SEC24B: variants seen among roughly 807,000 people sequenced by gnomAD.
SEC24B encodes the protein SEC24 homolog B, COPII component, also known as protein transport protein Sec24B.
SEC24B carries 45 observed loss-of-function variants against 142.8 expected under a neutral mutation model. The ratio of observed to expected loss-of-function variants is 0.32; its 90% CI spans 0.25 to 0.40. SEC24B has a LOEUF of 0.40. Among genes scored for constraint, SEC24B ranks in the 10% least tolerant of loss-of-function variants. The probability of loss-of-function intolerance (pLI) is 1.00; values close to 1 mark genes in which losing one functional copy is unlikely to be tolerated. For synonymous variants in SEC24B, 574 were observed against 568.2 expected (o/e 1.01, Z -0.15); for missense variants, 1,409 against 1,526.8 (o/e 0.92, Z 1.29).
At chr4:109,529,275 C>G (rs900005697) in intron 18 of SEC24B, among the ~76,000 whole-genome samples, 1 of 152,076 alleles carries the variant, frequency 6.6e-6, no homozygotes, top group South Asian at 2.1e-4. Flanking sequence ...GTTTTTGATT[C>G]AGGGAGTACA....
intron 6 of SEC24B, among the ~76,000 whole-genome samples, chr4:109,503,921 C>G (rs1736429668): frequency 6.6e-6 from 1 of 152,056 alleles, no homozygotes; most frequent in Admixed American, 6.6e-5. Context: ...GATTAAATAT[C>G]CTACCTTTAT....
chr4:109,454,823 A>G (rs2125916583), intron 1 of SEC24B, among the ~76,000 whole-genome samples: 1 of 152,292 alleles, frequency 6.6e-6, no homozygotes, highest in African/African-American at 2.4e-5. Flanking sequence ...TCTCACCTAC[A>G]TTGTTTGAAT....
chr4:109,526,096 G>T, intron 16 of SEC24B, 130 bp from the exon 17 acceptor site: 1 of 816,038 alleles, frequency 1.2e-6, no homozygotes. Context: ...CTCTGCCTAT[G>T]CTTGAACCTT....
intron 4 of SEC24B, among the ~76,000 whole-genome samples, chr4:109,482,979 T>TACACACACACACACACACACACACAC (rs1554001099): frequency 3.8e-5 from 1 of 26,404 alleles, no homozygotes; most frequent in African/African-American, 1.2e-4. Flanking sequence ...TATATATATA[T>TACACACACACACACACACACACACAC]ACACACACAC....
At chr4:109,457,296 T>C (rs1730784532) in intron 1 of SEC24B, among the ~76,000 whole-genome samples, 1 of 152,184 alleles carries the variant, frequency 6.6e-6, no homozygotes, top group Non-Finnish European at 1.5e-5. Context: ...GAAATTAAGG[T>C]GTTGGCAGGT....
intron 1 of SEC24B, among the ~76,000 whole-genome samples, chr4:109,461,644 T>C (rs1731269159): frequency 6.6e-6 from 1 of 152,206 alleles, no homozygotes; most frequent in Admixed American, 6.5e-5. Flanking sequence ...TACATATGCA[T>C]TACATAGATA....
intron 1 of SEC24B, among the ~76,000 whole-genome samples, chr4:109,461,049 T>TA (rs1218728498): frequency 2.6e-5 from 4 of 152,102 alleles, no homozygotes; most frequent in African/African-American, 9.7e-5. Context: ...GGGAAATACT[T>TA]ACAGCACATA....
chr4:109,479,528 G>A (rs1403467826), intron 3 of SEC24B, among the ~76,000 whole-genome samples: 1 of 152,158 alleles, frequency 6.6e-6, no homozygotes, highest in African/African-American at 2.4e-5. Context: ...CTTGCCGGCT[G>A]TAGCTCCCCA....
chr4:109,479,823 A>G (rs968372142), intron 3 of SEC24B, among the ~76,000 whole-genome samples: 8 of 146,500 alleles, frequency 5.5e-5, no homozygotes, highest in Admixed American at 6.8e-5. Flanking sequence ...ACTTGAACCT[A>G]TTTTACATTT....
At chr4:109,472,737 AT>A (rs1054075483) in intron 2 of SEC24B, among the ~76,000 whole-genome samples, 1 of 151,996 alleles carries the variant, frequency 6.6e-6, no homozygotes, top group African/African-American at 2.4e-5. Flanking sequence ...TTTTAGGAAA[AT>A]TGTCATTAAA....
intron 1 of SEC24B, among the ~76,000 whole-genome samples, chr4:109,438,310 GTTTA>G (rs928177978): frequency 6.6e-6 from 1 of 152,016 alleles, no homozygotes; most frequent in African/African-American, 2.4e-5. Context: ...TTGTCTGTTT[GTTTA>G]TTTATTTATT....
intron 2 of SEC24B, among the ~76,000 whole-genome samples, chr4:109,464,578 A>G (rs908970728): frequency 3.3e-5 from 5 of 152,144 alleles, no homozygotes; most frequent in African/African-American, 7.2e-5. Flanking sequence ...TTTTAATTCA[A>G]TTTGTGACTT....
chr4:109,487,184 A>AG (rs1447048325), intron 4 of SEC24B, among the ~76,000 whole-genome samples: 3 of 151,382 alleles, frequency 2.0e-5, no homozygotes, highest in Non-Finnish European at 4.4e-5. Flanking sequence ...AAAAAAAAAA[A>AG]GAAAAGTGTA....
rs1731458045 is a variant in SEC24B at position 109,463,062 on chromosome 4, A to G, written c.295A>G (p.Thr99Ala). 6.2e-7 allele frequency: 1 copy of G among 1,614,052 alleles called. No homozygotes were observed. The part of the protein sequence containing the change: ...DYYSALYTVP[T>A]QNVTPNTVNQ... ...CTACTCTGCTCTCTATACAGTACCA[A>G]CACAAAATGTGACTCCTAACACAGT... is the stretch of plus-strand genomic sequence containing the variant. The change falls in exon 2 of 24, where the codon ACA becomes GCA. Residue 99 changes from threonine to alanine, a missense_variant. Coordinates refer to ENST00000265175, the MANE Select transcript of SEC24B (RefSeq NM_006323.5).
intron 1 of SEC24B, among the ~76,000 whole-genome samples, chr4:109,458,681 A>G (rs1212479964): frequency 2.0e-5 from 3 of 152,234 alleles, no homozygotes; most frequent in Non-Finnish European, 4.4e-5. Flanking sequence ...TGCTAAATGA[A>G]GGAATCATTT....
At chr4:109,465,611 T>G (rs1478139391) in intron 2 of SEC24B, among the ~76,000 whole-genome samples, 1 of 152,250 alleles carries the variant, frequency 6.6e-6, no homozygotes, top group Non-Finnish European at 1.5e-5. Context: ...CTTAAGGATT[T>G]TGTGACTTTC....
intron 9 of SEC24B, among the ~76,000 whole-genome samples, chr4:109,513,498 G>T (rs1737601067): frequency 6.6e-6 from 1 of 152,004 alleles, no homozygotes; most frequent in South Asian, 2.1e-4. Context: ...TGGTCAGGCT[G>T]TTCTCAAACT....
intron 1 of SEC24B, among the ~76,000 whole-genome samples, chr4:109,445,579 A>T (rs1475267848): frequency 7.8e-6 from 1 of 128,312 alleles, no homozygotes; most frequent in Non-Finnish European, 1.7e-5. Flanking sequence ...TATTTTATTT[A>T]TTTTTTTGAG....
intron 4 of SEC24B, among the ~76,000 whole-genome samples, chr4:109,483,810 T>G (rs1228743847): frequency 6.6e-6 from 1 of 152,230 alleles, no homozygotes; most frequent in African/African-American, 2.4e-5. Context: ...ATTTTAAATT[T>G]TAACAAAATT....
Sources: gnomAD v4.1 joint callset for allele counts (sites outside exome capture counted in the v4.1 genomes callset) on GRCh38, gnomAD v4.1.1 for gene constraint, MANE v1.5 for transcripts, NCBI Gene and HGNC (gene_info 2026-07-23, HGNC 2026-07-21) for gene names.